Variants in ANO10 observed in about 807,000 individuals in gnomAD.
ANO10 encodes anoctamin 10.
In ANO10, 77 loss-of-function variants were observed where a neutral mutation model predicts 74.7. The ratio of observed to expected loss-of-function variants is 1.03; its 90% CI spans 0.86 to 1.25. The LOEUF (loss-of-function observed/expected upper bound fraction) is 1.25. ANO10 is among the 50% of genes most tolerant of loss of function. The pLI is 0.00. For synonymous variants in ANO10, 279 were observed against 284.9 expected (o/e 0.98, Z 0.21); for missense variants, 721 against 778.1 (o/e 0.93, Z 0.87).
intron 1 of ANO10, among the ~76,000 whole-genome samples, chr3:43,679,162 G>T (rs555670476): frequency 2.6e-5 from 4 of 152,178 alleles, no homozygotes; most frequent in African/African-American, 9.7e-5. Flanking sequence ...CCTGGGAAGC[G>T]CAAGGGGTCA....
At chr3:43,678,555 C>T (rs555274946) in intron 1 of ANO10, among the ~76,000 whole-genome samples, 63 of 152,276 alleles carry the variant, frequency 4.1e-4, no homozygotes, top group African/African-American at 1.4e-3. Flanking sequence ...GCATGCAGCC[C>T]GCAGTCACAT....
At chr3:43,442,678 G>A (rs1209258461) in intron 11 of ANO10, among the ~76,000 whole-genome samples, 1 of 152,142 alleles carries the variant, frequency 6.6e-6, no homozygotes, top group East Asian at 1.9e-4. Flanking sequence ...ATCTCCAACA[G>A]GGTCAGCAAA....
chr3:43,412,958 G>A (rs1315556206), intron 12 of ANO10, among the ~76,000 whole-genome samples: 1 of 152,210 alleles, frequency 6.6e-6, no homozygotes, highest in African/African-American at 2.4e-5. Flanking sequence ...GGACAAGGCA[G>A]GAGAATCACA....
chr3:43,588,306 A>C (rs867436733), intron 4 of ANO10, among the ~76,000 whole-genome samples: 30 of 152,150 alleles, frequency 2.0e-4, no homozygotes, highest in Middle Eastern at 3.2e-3. Flanking sequence ...TATAAACCAA[A>C]GAAATTAAGT....
At chr3:43,422,589 T>G (rs891956568) in intron 12 of ANO10, among the ~76,000 whole-genome samples, 3 of 152,216 alleles carry the variant, frequency 2.0e-5, no homozygotes, top group African/African-American at 7.2e-5. Flanking sequence ...CTCTGTGGAA[T>G]GGACCTGTGC....
intron 11 of ANO10, among the ~76,000 whole-genome samples, chr3:43,504,226 C>G (rs1462591114): frequency 6.6e-6 from 1 of 151,880 alleles, no homozygotes; most frequent in Non-Finnish European, 1.5e-5. Context: ...TGAGATTGCA[C>G]CACTGCACTC....
intron 2 of ANO10, 49 bp downstream of exon 2, chr3:43,605,665 T>C: frequency 6.2e-7 from 1 of 1,601,992 alleles, no homozygotes; most frequent in Non-Finnish European, 8.5e-7. Context: ...AGGCTGAGCA[T>C]ACAGTGTGGG....
chr3:43,554,186 CT>C (rs58374632), intron 10 of ANO10, among the ~76,000 whole-genome samples: 5,575 of 128,652 alleles, frequency 0.043, 85 homozygotes, highest in African/African-American at 0.12. Context: ...AGTGATTTTT[CT>C]TTTTTTTTTT....
chr3:43,454,840 G>A (rs1370872136), intron 11 of ANO10, among the ~76,000 whole-genome samples: 1 of 152,140 alleles, frequency 6.6e-6, no homozygotes, highest in African/African-American at 2.4e-5. Flanking sequence ...TTTGTTTAAA[G>A]ACAAATGAGG....
chr3:43,430,074 T>C (rs1344490100), intron 12 of ANO10, among the ~76,000 whole-genome samples: 1 of 152,180 alleles, frequency 6.6e-6, no homozygotes, highest in East Asian at 1.9e-4. Flanking sequence ...AAATGTGGTA[T>C]TTCACTGGTG....
chr3:43,425,753 C>G (rs1045337504), intron 12 of ANO10, among the ~76,000 whole-genome samples: 1 of 152,086 alleles, frequency 6.6e-6, no homozygotes. Flanking sequence ...CAAAGGAAAT[C>G]AAATATTTTA....
chr3:43,652,804 AT>A (rs1442609282), intron 1 of ANO10: 1 of 152,014 alleles, frequency 6.6e-6, no homozygotes, highest in Non-Finnish European at 1.5e-5. Context: ...ATTATAAATT[AT>A]TTTTATAATT....
At chr3:43,658,480 T>C (rs2083882728) in intron 1 of ANO10, among the ~76,000 whole-genome samples, 1 of 151,768 alleles carries the variant, frequency 6.6e-6, no homozygotes, top group South Asian at 2.1e-4. Context: ...TTATTATTAT[T>C]ATTTTTTGAG....
At chr3:43,582,020 G>A (rs186381483) in intron 4 of ANO10, among the ~76,000 whole-genome samples, 2 of 151,988 alleles carry the variant, frequency 1.3e-5, no homozygotes, top group Admixed American at 6.6e-5. Flanking sequence ...CTTCTTTAAG[G>A]TTTATCAGCT....
chr3:43,574,995 C>T, intron 6 of ANO10, 131 bp from the exon 7 acceptor site: 1 of 740,902 alleles, frequency 1.3e-6, no homozygotes, highest in South Asian at 1.5e-5. Context: ...ATGTACTAGG[C>T]TGTCAATCAC....
At chr3:43,668,774 T>C (rs768835997) in intron 1 of ANO10, among the ~76,000 whole-genome samples, 3 of 152,158 alleles carry the variant, frequency 2.0e-5, no homozygotes, top group Non-Finnish European at 2.9e-5. Context: ...CTATAGATCA[T>C]TGATGTTTAA....
chr3:43,664,102 G>A (rs2083958992), intron 1 of ANO10, among the ~76,000 whole-genome samples: 1 of 152,150 alleles, frequency 6.6e-6, no homozygotes, highest in Non-Finnish European at 1.5e-5. Context: ...AACAACGCTG[G>A]AGGCATTACA....
intron 1 of ANO10, among the ~76,000 whole-genome samples, chr3:43,668,616 T>C (rs1215195191): frequency 3.3e-5 from 5 of 152,062 alleles, no homozygotes; most frequent in Non-Finnish European, 5.9e-5. Context: ...CGGTAATAGA[T>C]GGGGATCTAG....
chr3:43,561,255 G>T lies in ANO10; in HGVS notation c.1441C>A (p.Gln481Lys). 6.2e-7 allele frequency: 1 copy of T among 1,614,122 alleles called. No individual in the cohort carries two copies. Among genetic ancestry groups the T allele is most frequent in the Non-Finnish European group, 8.5e-7 (1 of 1,180,006 alleles). ...KADIDATLYE[Q>K]VILEKEMGTY... ...CCCATTTCTTTTTCCAGGATGACTT[G>T]TTCATATAATGTAGCATCAATGTCT... Residue 481 changes from glutamine to lysine, a missense_variant, in exon 9 of 13, where the codon CAA (glutamine) becomes AAA (lysine). Transcript: ENST00000292246.
Sources: gnomAD v4.1 joint callset for allele counts (sites outside exome capture counted in the v4.1 genomes callset) on GRCh38, gnomAD v4.1.1 for gene constraint, MANE v1.5 for transcripts, NCBI Gene and HGNC (gene_info 2026-07-23, HGNC 2026-07-21) for gene names.